PTPRO: variants seen among roughly 807,000 people sequenced by gnomAD.
PTPRO encodes the protein protein tyrosine phosphatase receptor type O.
In PTPRO, 62 loss-of-function variants were observed where a neutral mutation model predicts 145.2. That is an observed-to-expected ratio of 0.43 (90% CI 0.35 to 0.53). PTPRO has a LOEUF of 0.53. PTPRO is among the 20% of genes least tolerant of loss of function. The pLI, the probability that PTPRO is intolerant of heterozygous loss-of-function variation, is 0.01. For synonymous variants in PTPRO, 565 were observed against 514.7 expected (o/e 1.10, Z -1.32); for missense variants, 1,345 against 1,482.7 (o/e 0.91, Z 1.53).
At chr12:15,324,775 T>C (rs1333235460) in intron 1 of PTPRO, among the ~76,000 whole-genome samples, 1 of 152,224 alleles carries the variant, frequency 6.6e-6, no homozygotes, top group Non-Finnish European at 1.5e-5. Flanking sequence ...TTACATACGT[T>C]ATTTCATTTA....
intron 14 of PTPRO, 102 bp from the exon 15 acceptor site, chr12:15,551,449 C>T: frequency 3.5e-6 from 5 of 1,413,106 alleles, no homozygotes; most frequent in Admixed American, 1.7e-5. Flanking sequence ...TTGGTATCAT[C>T]GTAAGCTCAC....
Position 15,516,795 on chromosome 12 carries a change from C to T in PTPRO, c.1618C>T (p.Pro540Ser), listed in dbSNP as rs1034054831. ...AGGAATAAAGGATTTAATGCTCTAT[C>T]CTTTGGGTCCTACGGCCGTGGTTCT... ...PTGIKDLMLYPLGPTAVVLSW... is the reference protein window; with the variant it reads ...PTGIKDLMLYSLGPTAVVLSW... Residue 540 changes from proline to serine, a missense_variant, in exon 9 of 27, where the codon CCT becomes TCT. By Grantham distance (74) the Pro-to-Ser change is moderately conservative. Transcript: ENST00000281171. 6.2e-7 allele frequency: 1 copy of T among 1,611,416 alleles called. No homozygotes were observed. The highest frequency in any genetic ancestry group is 1.3e-5 in the African/African-American group (1 of 74,972).
At chr12:15,568,179 C>T (rs1357458280) in intron 18 of PTPRO, among the ~76,000 whole-genome samples, 1 of 152,126 alleles carries the variant, frequency 6.6e-6, no homozygotes, top group Non-Finnish European at 1.5e-5. Flanking sequence ...CCTGTAATCC[C>T]AGCACTTTGG....
At chr12:15,341,833 A>T (rs916755460) in intron 1 of PTPRO, among the ~76,000 whole-genome samples, 6 of 152,254 alleles carry the variant, frequency 3.9e-5, no homozygotes, top group African/African-American at 1.4e-4. Context: ...GCAAAGCAGC[A>T]TAAAGCAAAG....
At chr12:15,532,688 A>C (rs1038827530) in intron 12 of PTPRO, among the ~76,000 whole-genome samples, 3 of 152,116 alleles carry the variant, frequency 2.0e-5, no homozygotes, top group Admixed American at 6.6e-5. Flanking sequence ...GAATGTGGAG[A>C]GCACCAACTT....
rs1482990011 is a variant in PTPRO at position 15,516,934 on chromosome 12, CT to C, written c.1758del (p.Val587PhefsTer3). ...EWTTYYEIAA[T>X]VSLTASVRIA... Reference sequence around the variant, plus strand: ...ACCACCTACTATGAAATAGCAGCAACTGTTTCCTTAACTGCATCCGTGGTAA... The same window carrying C: ...ACCACCTACTATGAAATAGCAGCAACGTTTCCTTAACTGCATCCGTGGTAA... On this transcript the variant is annotated frameshift_variant, in exon 9 of 27. Coordinates refer to ENST00000281171, the MANE Select transcript of PTPRO (RefSeq NM_030667.3). LOFTEE classifies it high-confidence loss of function. The C allele has an allele frequency of 6.2e-7, 1 of 1,613,746 alleles. No individual in the cohort carries two copies. Among genetic ancestry groups the C allele is most frequent in the Non-Finnish European group, 8.5e-7 (1 of 1,179,720 alleles).
At chr12:15,510,641 G>A (rs1224345188) in intron 7 of PTPRO, among the ~76,000 whole-genome samples, 2 of 152,158 alleles carry the variant, frequency 1.3e-5, no homozygotes, top group Non-Finnish European at 2.9e-5. Flanking sequence ...TTATAAGCAA[G>A]AAGACCAATA....
intron 10 of PTPRO, 69 bp downstream of exon 10, chr12:15,520,381 A>G (rs780664749): frequency 2.6e-5 from 32 of 1,211,672 alleles, no homozygotes; most frequent in Admixed American, 5.1e-5. Flanking sequence ...AAGGTTCCAA[A>G]TCTCTAGAAA....
chr12:15,578,218 G>GA (rs548371457), intron 19 of PTPRO, among the ~76,000 whole-genome samples: 59 of 148,332 alleles, frequency 4.0e-4, no homozygotes, highest in South Asian at 1.3e-3. Flanking sequence ...TTGCCTACAA[G>GA]AAAAAAAAAG....
At chr12:15,546,193 A>G (rs1591711772) in intron 12 of PTPRO, among the ~76,000 whole-genome samples, 1 of 152,040 alleles carries the variant, frequency 6.6e-6, no homozygotes, top group Admixed American at 6.6e-5. Context: ...ACCAAATTTC[A>G]TTTTTCTCCA....
At chr12:15,551,477 GA>G in intron 14 of PTPRO, 73 bp from the exon 15 acceptor site, 1 of 1,569,792 alleles carries the variant, frequency 6.4e-7, no homozygotes, top group Non-Finnish European at 8.7e-7. Flanking sequence ...AAGACTAGAT[GA>G]AAAGCAATGA....
intron 6 of PTPRO, among the ~76,000 whole-genome samples, chr12:15,505,455 G>A (rs566604378): frequency 7.2e-5 from 11 of 152,200 alleles, no homozygotes; most frequent in African/African-American, 2.2e-4. Flanking sequence ...TATCTAAAGC[G>A]ACTAGTGCCA....
At chr12:15,340,392 G>A (rs1866935905) in intron 1 of PTPRO, among the ~76,000 whole-genome samples, 1 of 152,116 alleles carries the variant, frequency 6.6e-6, no homozygotes. Context: ...GTCCTTGGTT[G>A]GGACTGCCTT....
chr12:15,554,580 A>G lies in PTPRO; in HGVS notation c.2559-2875A>G, dbSNP rs548824786. Among the ~76,000 whole-genome samples, 28 of 152,266 alleles carry G rather than the reference A, an allele frequency of 1.8e-4. No homozygotes were observed. In the South Asian group the frequency reaches 4.4e-3, roughly 24 times the overall value. The stretch of plus-strand genomic sequence containing the variant: ...TCAAAACTGAAGAACTTGGAGTCCA[A>G]TGTTGAAGGGCAGGAAGCGTCCAGC... On this transcript the variant is annotated intron_variant, in intron 15 of 26. Coordinates refer to ENST00000281171, the MANE Select transcript of PTPRO (RefSeq NM_030667.3).
chr12:15,465,755 G>A (rs1160390717), intron 1 of PTPRO, among the ~76,000 whole-genome samples: 2 of 152,210 alleles, frequency 1.3e-5, no homozygotes, highest in Non-Finnish European at 2.9e-5. Flanking sequence ...AGACTGGGGA[G>A]TTTGGCTATT....
chr12:15,521,676 A>T (rs1204587187), intron 10 of PTPRO, among the ~76,000 whole-genome samples: 4 of 152,188 alleles, frequency 2.6e-5, no homozygotes, highest in African/African-American at 9.7e-5. Context: ...ATGTCAGCTA[A>T]ATAGGCACTA....
intron 6 of PTPRO, among the ~76,000 whole-genome samples, chr12:15,507,544 G>T (rs1328568040): frequency 3.9e-5 from 6 of 152,174 alleles, no homozygotes; most frequent in Admixed American, 3.3e-4. Context: ...GTGAGCATCC[G>T]TGTTTTAAGC....
intron 12 of PTPRO, among the ~76,000 whole-genome samples, chr12:15,527,510 C>G (rs1029733703): frequency 6.6e-6 from 1 of 152,218 alleles, no homozygotes; most frequent in Non-Finnish European, 1.5e-5. Context: ...CAACTCTGCT[C>G]TGTAACTTGG....
At chr12:15,369,435 C>A (rs7968927) in intron 1 of PTPRO, among the ~76,000 whole-genome samples, 25,227 of 151,932 alleles carry the variant, frequency 0.17, 4,953 homozygotes, top group African/African-American at 0.48. Context: ...GAAACCTTCT[C>A]AGTCATATCG....
Sources: allele counts gnomAD v4.1 joint callset (sites outside exome capture counted in the v4.1 genomes callset), GRCh38; gene constraint gnomAD v4.1.1; transcripts MANE v1.5; gene names NCBI Gene and HGNC (gene_info 2026-07-23, HGNC 2026-07-21).